The following SNX29 variants were observed in gnomAD, a reference collection of about 807,000 sequenced individuals.
SNX29 encodes sorting nexin-29.
In SNX29, 78 loss-of-function variants were observed where a neutral mutation model predicts 102.1. The observed-to-expected ratio is 0.76, with a 90% CI of 0.64 to 0.92. SNX29 has a LOEUF of 0.92. Among genes scored for constraint, SNX29 ranks in the 40% least tolerant of loss-of-function variants. The probability of loss-of-function intolerance (pLI) is 0.00; values close to 1 mark genes in which losing one functional copy is unlikely to be tolerated. For synonymous variants in SNX29, 580 were observed against 414.5 expected (o/e 1.40, Z -4.85); for missense variants, 1,280 against 1,061.7 (o/e 1.21, Z -2.86).
At chr16:12,516,662 C>G (rs977637115) in intron 19 of SNX29, among the ~76,000 whole-genome samples, 16 of 152,116 alleles carry the variant, frequency 1.1e-4, no homozygotes, top group Non-Finnish European at 2.2e-4. Context: ...TCCCGATAGA[C>G]AAGACCTTTT....
chr16:12,520,050 C>T (rs140376618), intron 19 of SNX29, among the ~76,000 whole-genome samples: 27 of 152,238 alleles, frequency 1.8e-4, no homozygotes, highest in African/African-American at 6.3e-4. Flanking sequence ...AAAACACAGT[C>T]ACAGGCAGGA....
chr16:12,199,583 A>C lies in SNX29; in HGVS notation c.1596-18A>C, dbSNP rs1042863547. ...CACTTTTTAAATATATATTTTTTTAACATTCTTGTACCTGCAGAGAGAACG... is the reference window on the plus strand; with the variant it reads ...CACTTTTTAAATATATATTTTTTTACCATTCTTGTACCTGCAGAGAGAACG... On this transcript the variant is annotated intron_variant, in intron 13 of 20. Transcript: ENST00000566228. The C allele has an allele frequency of 2.1e-5, 33 of 1,598,956 alleles. No individual in the cohort carries two copies. The highest frequency in any genetic ancestry group is 3.4e-5 in the Admixed American group (2 of 58,690).
chr16:12,568,372 A>G, intron 20 of SNX29, 134 bp from the exon 21 acceptor site: 4 of 1,197,010 alleles, frequency 3.3e-6, no homozygotes, highest in African/African-American at 1.5e-5. Context: ...GGCACCAGTT[A>G]GAGGCAGATC....
chr16:12,287,108 G>T (rs1237809549), intron 15 of SNX29, among the ~76,000 whole-genome samples: 1 of 152,170 alleles, frequency 6.6e-6, no homozygotes, highest in Non-Finnish European at 1.5e-5. Flanking sequence ...GCTAAGCTCG[G>T]AGCTTTTCTG....
At chr16:12,462,016 T>TATTTATACACAC in intron 18 of SNX29, among the ~76,000 whole-genome samples, 1 of 65,192 alleles carries the variant, frequency 1.5e-5, no homozygotes, top group Admixed American at 2.1e-4. Flanking sequence ...TATATATGTA[T>TATTTATACACAC]ACACACACAC....
At chr16:12,499,740 C>T (rs1309806202) in intron 19 of SNX29, among the ~76,000 whole-genome samples, 2 of 152,200 alleles carry the variant, frequency 1.3e-5, no homozygotes, top group African/African-American at 4.8e-5. Flanking sequence ...GTGGCACAAT[C>T]ACGGCTCACT....
At chr16:12,565,307 C>T (rs2078952292) in intron 20 of SNX29, among the ~76,000 whole-genome samples, 1 of 152,216 alleles carries the variant, frequency 6.6e-6, no homozygotes, top group Non-Finnish European at 1.5e-5. Context: ...ACTCTCCATT[C>T]AAGTCCACTG....
rs764997045 is a variant in SNX29, at chr16:12,051,997, C to A, written c.899C>A (p.Ser300Tyr). Reference sequence around the variant, plus strand: ...TCAGAGGACAACTCCGACCGCTCCTCTGTCAATATCATGTCCGCCTTTGAA... The same window carrying A: ...TCAGAGGACAACTCCGACCGCTCCTATGTCAATATCATGTCCGCCTTTGAA... The part of the protein sequence containing the change: ...ESSEDNSDRS[S>Y]VNIMSAFESP... Residue 300 changes from serine to tyrosine, a missense_variant, in exon 8 of 21, where the codon TCT becomes TAT. Transcript: ENST00000566228. 1 of 1,613,964 alleles carries A rather than the reference C, an allele frequency of 6.2e-7. No individual in the cohort carries two copies. Among genetic ancestry groups the A allele is most frequent in the East Asian group, 2.2e-5 (1 of 44,874 alleles).
intron 20 of SNX29, among the ~76,000 whole-genome samples, chr16:12,558,854 C>T (rs1457164421): frequency 5.3e-5 from 8 of 152,222 alleles, no homozygotes; most frequent in South Asian, 4.1e-4. Context: ...ACAAGAGGGC[C>T]ACAGGCAGCC....
At chr16:12,188,465 G>C (rs2076566267) in intron 13 of SNX29, among the ~76,000 whole-genome samples, 1 of 152,178 alleles carries the variant, frequency 6.6e-6, no homozygotes, top group South Asian at 2.1e-4. Context: ...TAAGTTTTGA[G>C]TGAGGGACTG....
intron 2 of SNX29, among the ~76,000 whole-genome samples, chr16:12,001,045 G>A (rs947685750): frequency 3.3e-5 from 5 of 152,284 alleles, no homozygotes; most frequent in East Asian, 1.9e-4. Context: ...ATAATAAGGC[G>A]AAGAGGCAAG....
intron 18 of SNX29, among the ~76,000 whole-genome samples, chr16:12,465,074 G>A (rs1049229524): frequency 6.6e-6 from 1 of 152,066 alleles, no homozygotes; most frequent in African/African-American, 2.4e-5. Flanking sequence ...TACATCCTTT[G>A]CCCATTTTAA....
chr16:12,042,904 G>T lies in SNX29; in HGVS notation c.255G>T (p.Val85=). 1 of 1,609,430 alleles carries T rather than the reference G, an allele frequency of 6.2e-7. No individual in the cohort carries two copies. Residue 85 remains valine (V), a synonymous_variant, in exon 5 of 21, where the codon GTG becomes GTT. Transcript: ENST00000566228. The stretch of plus-strand genomic sequence containing the variant: ...TGTGCCCTCTCTCCGTAGAGCCCGT[G>T]TTCTGGTACTACGTGAAGGAGGTCC... The part of the protein sequence containing the change: ...GFASKTETEP[V]FWYYVKEVLN...
In SNX29 at chr16:12,574,276, G is replaced by A. The variant is rs968155832; in HGVS notation, c.*5647G>A. 5.2e-5 allele frequency: 9 copies of A among 173,258 alleles called. No individual in the cohort carries two copies. Among genetic ancestry groups the A allele is most frequent in the Non-Finnish European group, 1.1e-4 (9 of 80,110 alleles). 10.7% of individuals were successfully genotyped at this position (173,258 alleles called of 1,614,324 possible). The stretch of plus-strand genomic sequence containing the variant: ...ACAAATTGTGACATTTTATAAATTA[G>A]ATACTTCAGTGGATGGTCTCTGTCT... On this transcript the variant is annotated 3_prime_UTR_variant, in exon 21 of 21. Transcript: ENST00000566228.
chr16:12,421,627 G>C (rs990980739), intron 18 of SNX29, among the ~76,000 whole-genome samples: 1 of 152,204 alleles, frequency 6.6e-6, no homozygotes, highest in Non-Finnish European at 1.5e-5. Flanking sequence ...TTGACGCAAT[G>C]TCTGACACAT....
chr16:12,465,276 T>TA (rs2086999314), intron 18 of SNX29, among the ~76,000 whole-genome samples: 4 of 138,628 alleles, frequency 2.9e-5, no homozygotes, highest in African/African-American at 1.3e-4. Context: ...GGTAACATAT[T>TA]CAAAAAAATT....
intron 3 of SNX29, among the ~76,000 whole-genome samples, chr16:12,003,553 C>G (rs182052597): frequency 1.3e-5 from 2 of 152,082 alleles, no homozygotes; most frequent in African/African-American, 2.4e-5. Flanking sequence ...AAATTCTATG[C>G]GTATGGAGTG....
In SNX29 at chr16:12,572,392, A is replaced by C; in HGVS notation, c.*3763A>C. 1 of 1,063,184 alleles carries C rather than the reference A, an allele frequency of 9.4e-7. No individual in the cohort carries two copies. The highest frequency in any genetic ancestry group is 1.1e-6 in the Non-Finnish European group (1 of 877,928). 65.9% of individuals were successfully genotyped at this position (1,063,184 alleles called of 1,614,324 possible). A position where few individuals can be genotyped will look rare whatever the true frequency, so the allele number is the denominator to read the frequency against. On this transcript the variant is annotated 3_prime_UTR_variant, in exon 21 of 21. Coordinates refer to ENST00000566228, the MANE Select transcript of SNX29 (RefSeq NM_032167.5). ...TTCTGGAGGCGGCTTATATCCCAAC[A>C]GCCTGAGGCAGGGCTCTGTGGCCCA... is the stretch of plus-strand genomic sequence containing the variant.
rs200762344 is a variant in SNX29 at position 12,569,701 on chromosome 16, G to A, written c.*1072G>A. ...GAGTACAGGGACCTTGGCAGGTGGAGAGGAGGATGGGGACCAGCAGCTGGG... is the reference window on the plus strand; with the variant it reads ...GAGTACAGGGACCTTGGCAGGTGGAAAGGAGGATGGGGACCAGCAGCTGGG... On this transcript the variant is annotated 3_prime_UTR_variant, in exon 21 of 21. Transcript: ENST00000566228. 3.8e-4 allele frequency: 88 copies of A among 230,554 alleles called. No homozygotes were observed. The highest frequency in any genetic ancestry group is 1.7e-3 in the African/African-American group (79 of 45,278). 14.3% of individuals were successfully genotyped at this position (230,554 alleles called of 1,614,324 possible).
Sources: gnomAD v4.1 joint callset for allele counts (sites outside exome capture counted in the v4.1 genomes callset) on GRCh38, gnomAD v4.1.1 for gene constraint, MANE v1.5 for transcripts, NCBI Gene and HGNC (gene_info 2026-07-23, HGNC 2026-07-21) for gene names.